Variants in DIAPH2 observed in about 807,000 individuals in gnomAD.
DIAPH2 encodes the protein protein diaphanous homolog 2.
A neutral mutation model predicts 92.7 loss-of-function variants in DIAPH2; 35 were observed. The ratio of observed to expected loss-of-function variants is 0.38; its 90% CI spans 0.29 to 0.50. DIAPH2 has a LOEUF of 0.50. Ranked by LOEUF, DIAPH2 falls within the 20% of genes least tolerant of loss-of-function variation. DIAPH2 has a pLI of 0.94. For synonymous variants in DIAPH2, 301 were observed against 280.4 expected (o/e 1.07, Z -0.73); for missense variants, 701 against 819.5 (o/e 0.86, Z 1.77).
chrX:97,323,456 T>C (rs1181168306), intron 23 of DIAPH2, among the ~76,000 whole-genome samples: 1 of 103,656 alleles, frequency 9.6e-6, no homozygotes, highest in African/African-American at 3.5e-5. Flanking sequence ...CCGGGCGTGG[T>C]GGCGGGCGCC....
At chrX:97,542,824 T>A (rs958381386) in intron 26 of DIAPH2, among the ~76,000 whole-genome samples, 1 of 111,187 alleles carries the variant, frequency 9.0e-6, no homozygotes, top group Non-Finnish European at 1.9e-5. Flanking sequence ...AGCAAAAACA[T>A]AACCGATATA....
At chrX:97,271,854 C>T (rs1196629571) in intron 23 of DIAPH2, among the ~76,000 whole-genome samples, 2 of 105,762 alleles carry the variant, frequency 1.9e-5, no homozygotes, top group Non-Finnish European at 3.9e-5. Flanking sequence ...CACATGCGTA[C>T]AGACATACAT....
intron 26 of DIAPH2, among the ~76,000 whole-genome samples, chrX:97,488,735 C>T (rs1050364050): frequency 8.9e-6 from 1 of 111,881 alleles, no homozygotes; most frequent in African/African-American, 3.2e-5. Flanking sequence ...TCTTGGCACC[C>T]CATACAAAGA....
intron 4 of DIAPH2, among the ~76,000 whole-genome samples, chrX:96,873,538 G>C (rs2065157748): frequency 9.2e-6 from 1 of 108,975 alleles, no homozygotes; most frequent in Non-Finnish European, 1.9e-5. Flanking sequence ...GTTATTGAAA[G>C]GCCAACTTGG....
At chrX:97,194,430 C>T (rs1247618764) in intron 22 of DIAPH2, among the ~76,000 whole-genome samples, 19 of 109,531 alleles carry the variant, frequency 1.7e-4, no homozygotes, top group African/African-American at 6.0e-4. Flanking sequence ...TACAGGCACC[C>T]GCCACCAAGC....
At chrX:97,252,433 A>C (rs1285241229) in intron 23 of DIAPH2, among the ~76,000 whole-genome samples, 2 of 111,953 alleles carry the variant, frequency 1.8e-5, no homozygotes, top group South Asian at 3.7e-4. Flanking sequence ...TTACAAATCA[A>C]GTTACTGAGA....
In DIAPH2 at chrX:96,884,269, G is replaced by C. The variant is rs183708643; in HGVS notation, c.587+2551G>C. On this transcript the variant is annotated intron_variant, in intron 5 of 26. Coordinates refer to ENST00000324765, the MANE Select transcript of DIAPH2 (RefSeq NM_006729.5). ...CAAAGCCGTCCGTGGAGCCCCAGAC[G>C]AGCCAAAGCCCACCTTCTCCTCAGC... The C allele has an allele frequency of 5.4e-4, 622 of 1,155,050 alleles. 2 individuals are homozygous for C. In the African/African-American group the frequency reaches 0.01, roughly 19 times the overall value.
chrX:97,151,089 A>G (rs980286760), intron 22 of DIAPH2, among the ~76,000 whole-genome samples: 2 of 111,846 alleles, frequency 1.8e-5, no homozygotes, highest in Non-Finnish European at 3.8e-5. Flanking sequence ...TTTAGAATTC[A>G]TTATAATAGT....
intron 26 of DIAPH2, among the ~76,000 whole-genome samples, chrX:97,529,557 G>A (rs759099845): frequency 1.8e-4 from 20 of 111,820 alleles, no homozygotes; most frequent in African/African-American, 5.2e-4. Context: ...ATAAGGGGAC[G>A]GTACAGATAA....
intron 26 of DIAPH2, among the ~76,000 whole-genome samples, chrX:97,570,533 G>C (rs1030158763): frequency 9.1e-6 from 1 of 109,733 alleles, no homozygotes; most frequent in Admixed American, 9.9e-5. Context: ...ATGTGATAGT[G>C]CATTAAAAAA....
intron 3 of DIAPH2, among the ~76,000 whole-genome samples, chrX:96,757,019 G>A (rs759779460): frequency 9.8e-6 from 1 of 101,832 alleles, no homozygotes; most frequent in African/African-American, 3.6e-5. Context: ...CTGGGTTTGC[G>A]CCATTCTCCT....
chrX:96,877,806 G>C (rs370759046), intron 4 of DIAPH2, among the ~76,000 whole-genome samples: 73 of 112,088 alleles, frequency 6.5e-4, no homozygotes, highest in African/African-American at 2.2e-3. Context: ...TTTGTGTACT[G>C]TCTTAAAATA....
chrX:97,507,141 C>CAAAAAAAACAA (rs2070841404), intron 26 of DIAPH2, among the ~76,000 whole-genome samples: 1 of 31,131 alleles, frequency 3.2e-5, no homozygotes, highest in Non-Finnish European at 5.4e-5. Context: ...ACAAAACCGA[C>CAAAAAAAACAA]AAAAAAAAAA....
At chrX:97,112,756 C>CCTTT (rs1466910621) in intron 20 of DIAPH2, among the ~76,000 whole-genome samples, 26 of 92,554 alleles carry the variant, frequency 2.8e-4, no homozygotes, top group African/African-American at 1.0e-3. Flanking sequence ...TCCTTCTTTC[C>CCTTT]CTTTCTTTCT....
At position 96,962,440 on chromosome X, in the gene DIAPH2, T is replaced by C. The variant is rs967161260; in HGVS notation, c.1936-2653T>C. On this transcript the variant is annotated intron_variant, in intron 16 of 26. Coordinates refer to ENST00000324765, the MANE Select transcript of DIAPH2 (RefSeq NM_006729.5). The stretch of plus-strand genomic sequence containing the variant: ...ATACACATATATATACATATATATA[T>C]ACATATATACACACACATATATATA... 2.0e-4 allele frequency among the ~76,000 whole-genome samples: 14 copies of C among 70,199 alleles called. 1 individual carries two copies. Among genetic ancestry groups the C allele is most frequent in the Admixed American group, 3.6e-4 (2 of 5,605 alleles). The allele number at this position is 70,199 out of a possible 115,157, so 61.0% of individuals were successfully genotyped here.
chrX:97,553,035 T>C (rs923979376), intron 26 of DIAPH2, among the ~76,000 whole-genome samples: 13 of 112,116 alleles, frequency 1.2e-4, no homozygotes, highest in African/African-American at 3.6e-4. Flanking sequence ...TATCTGTAAA[T>C]ACTGTTATAT....
At chrX:97,238,457 A>G (rs2068066537) in intron 22 of DIAPH2, among the ~76,000 whole-genome samples, 2 of 111,974 alleles carry the variant, frequency 1.8e-5, no homozygotes, top group African/African-American at 6.5e-5. Context: ...CCAAGGGCAC[A>G]TGTTAGAGGA....
chrX:96,962,740 T>A (rs1388308699), intron 16 of DIAPH2, among the ~76,000 whole-genome samples: 5 of 109,056 alleles, frequency 4.6e-5, no homozygotes, highest in South Asian at 3.9e-4. Flanking sequence ...GTGGGCAATT[T>A]AATTGGTTTA....
chrX:97,168,778 T>G (rs2147449419), intron 22 of DIAPH2, among the ~76,000 whole-genome samples: 1 of 111,912 alleles, frequency 8.9e-6, no homozygotes, highest in East Asian at 2.8e-4. Flanking sequence ...CATGGTCTGG[T>G]TTTGGAGAAG....
Sources: allele counts gnomAD v4.1 joint callset (sites outside exome capture counted in the v4.1 genomes callset), GRCh38; gene constraint gnomAD v4.1.1; transcripts MANE v1.5; gene names NCBI Gene and HGNC (gene_info 2026-07-23, HGNC 2026-07-21).